The following ZNRF2 variants were observed in gnomAD, a reference collection of about 807,000 sequenced individuals.
The protein encoded by ZNRF2 is zinc and ring finger 2.
Under a neutral mutation model 20.4 loss-of-function variants are expected in ZNRF2, and 16 were observed. That is an observed-to-expected ratio of 0.79 (90% CI 0.53 to 1.19). The LOEUF (loss-of-function observed/expected upper bound fraction) is 1.19. Ranked by LOEUF, ZNRF2 falls within the 50% of genes most tolerant of loss-of-function variation. The pLI, the probability that ZNRF2 is intolerant of heterozygous loss-of-function variation, is 0.00. For synonymous variants in ZNRF2, 178 were observed against 144.9 expected (o/e 1.23, Z -1.64); for missense variants, 363 against 332.4 (o/e 1.09, Z -0.72).
intron 3 of ZNRF2, among the ~76,000 whole-genome samples, chr7:30,358,576 A>C (rs536043519): frequency 6.6e-6 from 1 of 152,358 alleles, no homozygotes; most frequent in South Asian, 2.1e-4. Flanking sequence ...ACTGCATGGG[A>C]ACCAATGAGT....
chr7:30,347,542 T>C (rs1360046067), intron 2 of ZNRF2, among the ~76,000 whole-genome samples: 1 of 152,000 alleles, frequency 6.6e-6, no homozygotes, highest in African/African-American at 2.4e-5. Context: ...TTTCACCCTT[T>C]CCTTAGAACA....
At position 30,367,405 on chromosome 7, in the gene ZNRF2, CGT is replaced by C. The variant is rs1562625334; in HGVS notation, c.*1394_*1395del. 1 of 152,096 alleles carries C rather than the reference CGT, an allele frequency of 6.6e-6. No homozygotes were observed. The highest frequency in any genetic ancestry group is 2.4e-5 in the African/African-American group (1 of 41,310). 9.4% of individuals were successfully genotyped at this position (152,096 alleles called of 1,614,324 possible). A position where few individuals can be genotyped will look rare whatever the true frequency, so the allele number is the denominator to read the frequency against. ...CGATAAGTAGGTTTTGTGTTTTCAA[CGT>C]AGGGAAAATGTTATCAGTGAATAGG... On this transcript the variant is annotated 3_prime_UTR_variant, in exon 5 of 5. Coordinates refer to ENST00000323037, the MANE Select transcript of ZNRF2 (RefSeq NM_147128.4).
intron 2 of ZNRF2, among the ~76,000 whole-genome samples, chr7:30,355,338 C>A (rs916229940): frequency 6.6e-6 from 1 of 151,946 alleles, no homozygotes. Context: ...ATTTTATTTT[C>A]ATGTCTTTTT....
rs183416115 is a variant in ZNRF2, at chr7:30,356,939, G to A, written c.671+1106G>A. Among the ~76,000 whole-genome samples the A allele has an allele frequency of 8.5e-5, 13 of 152,112 alleles. No homozygotes were observed. The East Asian group carries it at 1.7e-3, about 20-fold the overall frequency. On this transcript the variant is annotated intron_variant, in intron 3 of 4. Coordinates refer to ENST00000323037, the MANE Select transcript of ZNRF2 (RefSeq NM_147128.4). The stretch of plus-strand genomic sequence containing the variant: ...CCAGGATGGTCTTGATCTCCTGACC[G>A]CATGATGTGCCCGCCTTGGCCTCCC...
intron 3 of ZNRF2, among the ~76,000 whole-genome samples, chr7:30,359,287 A>G (rs543004508): frequency 3.1e-4 from 47 of 152,334 alleles, no homozygotes; most frequent in East Asian, 2.5e-3. Context: ...AAATTTGGCT[A>G]TATTAAAATT....
chr7:30,322,000 T>C (rs1406564751), intron 1 of ZNRF2, among the ~76,000 whole-genome samples: 2 of 151,976 alleles, frequency 1.3e-5, no homozygotes, highest in Non-Finnish European at 2.9e-5. Flanking sequence ...ACACTAACAA[T>C]AGCTGATCAG....
At position 30,305,755 on chromosome 7, in the gene ZNRF2, G is replaced by A. The variant is rs1238934341; in HGVS notation, c.470-17887G>A. Among the ~76,000 whole-genome samples the A allele has an allele frequency of 2.0e-5, 3 of 152,184 alleles. No homozygotes were observed. The South Asian group carries it at 6.2e-4, about 32-fold the overall frequency. On this transcript the variant is annotated intron_variant, in intron 1 of 4. Coordinates refer to ENST00000323037, the MANE Select transcript of ZNRF2 (RefSeq NM_147128.4). ...AGTTAGGGCTAACATTTGATTTCTT[G>A]TAAGATTAAAGTGTCATATTTCCTA...
At chr7:30,309,420 A>G (rs1799256631) in intron 1 of ZNRF2, among the ~76,000 whole-genome samples, 1 of 152,196 alleles carries the variant, frequency 6.6e-6, no homozygotes, top group African/African-American at 2.4e-5. Context: ...ATGATGTCCT[A>G]GTTAAAGACT....
chr7:30,289,050 A>G (rs980036171), intron 1 of ZNRF2: 3 of 152,194 alleles, frequency 2.0e-5, no homozygotes, highest in African/African-American at 4.8e-5. Context: ...TTCCAGAGAA[A>G]TCGTGTGGAC....
At chr7:30,332,211 T>C (rs1400951855) in intron 2 of ZNRF2, among the ~76,000 whole-genome samples, 1 of 152,200 alleles carries the variant, frequency 6.6e-6, no homozygotes, top group Non-Finnish European at 1.5e-5. Flanking sequence ...CCTGTCTTCA[T>C]AGAGTTACTG....
Position 30,285,513 on chromosome 7 carries a change from G to A in ZNRF2, c.156G>A (p.Gln52=), listed in dbSNP as rs1446023389. Residue 52 remains glutamine, a synonymous_variant, in exon 1 of 5, where the codon CAG becomes CAA. Coordinates refer to ENST00000323037, the MANE Select transcript of ZNRF2 (RefSeq NM_147128.4). ...RAAAAGRFPA[Q]VPSAHQPSAS... Reference sequence around the variant, plus strand: ...CCGCCGCGGGGAGGTTCCCGGCTCAGGTGCCCAGCGCGCACCAGCCCAGCG... The same window carrying A: ...CCGCCGCGGGGAGGTTCCCGGCTCAAGTGCCCAGCGCGCACCAGCCCAGCG... 3.0e-5 allele frequency: 31 copies of A among 1,034,146 alleles called. No homozygotes were observed. The highest frequency in any genetic ancestry group is 3.5e-5 in the Non-Finnish European group (30 of 864,934). The allele number at this position is 1,034,146 out of a possible 1,614,324, so 64.1% of individuals were successfully genotyped here.
At chr7:30,310,314 G>A (rs1351900488) in intron 1 of ZNRF2, among the ~76,000 whole-genome samples, 1 of 152,242 alleles carries the variant, frequency 6.6e-6, no homozygotes, top group Non-Finnish European at 1.5e-5. Flanking sequence ...TTGTCATAAC[G>A]AAACTTTTTC....
chr7:30,366,140 A>T lies in ZNRF2; in HGVS notation c.*128A>T, dbSNP rs1341966324. The stretch of plus-strand genomic sequence containing the variant: ...CTCAGCCAGAAATCTGAGTTTTGTG[A>T]GACTTGGTAATACAGAGATGGACAA... On this transcript the variant is annotated 3_prime_UTR_variant, in exon 5 of 5. Transcript: ENST00000323037. The T allele has an allele frequency of 6.6e-6, 1 of 152,652 alleles. No homozygotes were observed. Among genetic ancestry groups the T allele is most frequent in the Non-Finnish European group, 1.5e-5 (1 of 68,034 alleles). The allele number at this position is 152,652 out of a possible 1,614,324, so 9.5% of individuals were successfully genotyped here.
chr7:30,309,430 T>G (rs1389733588), intron 1 of ZNRF2, among the ~76,000 whole-genome samples: 2 of 152,196 alleles, frequency 1.3e-5, no homozygotes, highest in Admixed American at 1.3e-4. Context: ...AGTTAAAGAC[T>G]GGAGTAGACA....
At chr7:30,361,469 A>G (rs900681981) in intron 3 of ZNRF2, among the ~76,000 whole-genome samples, 1 of 152,226 alleles carries the variant, frequency 6.6e-6, no homozygotes, top group African/African-American at 2.4e-5. Context: ...TTTGCGGCAT[A>G]TGCAAATTTG....
chr7:30,289,933 T>A, intron 1 of ZNRF2: 1 of 531,182 alleles, frequency 1.9e-6, no homozygotes, highest in South Asian at 1.4e-5. Context: ...GACCAGTAAC[T>A]AAGTTCTTCT....
At chr7:30,306,536 A>C (rs530949843) in intron 1 of ZNRF2, among the ~76,000 whole-genome samples, 15 of 152,180 alleles carry the variant, frequency 9.9e-5, no homozygotes, top group Admixed American at 3.9e-4. Context: ...TTAGGTATCA[A>C]CCATACCAGC....
At chr7:30,352,385 C>T (rs1197131487) in intron 2 of ZNRF2, among the ~76,000 whole-genome samples, 1 of 151,910 alleles carries the variant, frequency 6.6e-6, no homozygotes, top group Non-Finnish European at 1.5e-5. Flanking sequence ...TTCTAGTGCC[C>T]ACTTCTGGTT....
chr7:30,355,023 T>G, intron 2 of ZNRF2, among the ~76,000 whole-genome samples: 1 of 152,132 alleles, frequency 6.6e-6, no homozygotes, highest in East Asian at 1.9e-4. Context: ...GATTTACCCT[T>G]GAAGATTTTA....
Sources: allele counts gnomAD v4.1 joint callset (sites outside exome capture counted in the v4.1 genomes callset), GRCh38; gene constraint gnomAD v4.1.1; transcripts MANE v1.5; gene names NCBI Gene and HGNC (gene_info 2026-07-23, HGNC 2026-07-21).